DLGAP2: variants seen among roughly 807,000 people sequenced by gnomAD.
The protein encoded by DLGAP2 is DLG associated protein 2, also known as disks large-associated protein 2.
Under a neutral mutation model 100.3 loss-of-function variants are expected in DLGAP2, and 26 were observed. The observed-to-expected ratio is 0.26, with a 90% CI of 0.19 to 0.36. The LOEUF is 0.36. Ranked by LOEUF, DLGAP2 falls within the 10% of genes least tolerant of loss-of-function variation. The probability of loss-of-function intolerance (pLI) is 1.00; values close to 1 mark genes in which losing one functional copy is unlikely to be tolerated. For missense variants in DLGAP2, 1,858 were observed against 1,453.2 expected, an observed-to-expected ratio of 1.28 and a Z score of -4.53; for synonymous variants, 886 against 630.1, an observed-to-expected ratio of 1.41 and a Z score of -6.08.
chr8:1,453,943 C>T (rs879815916), intron 3 of DLGAP2, among the ~76,000 whole-genome samples: 32 of 152,204 alleles, frequency 2.1e-4, no homozygotes, highest in Admixed American at 2.0e-3. Flanking sequence ...TGGACATGTG[C>T]ACAGATACAA....
intron 2 of DLGAP2, among the ~76,000 whole-genome samples, chr8:975,278 C>T (rs1800133935): frequency 6.6e-6 from 1 of 152,216 alleles, no homozygotes; most frequent in East Asian, 1.9e-4. Flanking sequence ...AAGCACCAAG[C>T]CCGCATGGGT....
At chr8:825,559 C>G (rs921651850) in intron 1 of DLGAP2, among the ~76,000 whole-genome samples, 8 of 152,242 alleles carry the variant, frequency 5.3e-5, no homozygotes, top group African/African-American at 1.7e-4. Flanking sequence ...CTTATTATCT[C>G]TAACGACATC....
chr8:844,782 G>A (rs1797043857), intron 1 of DLGAP2, among the ~76,000 whole-genome samples: 1 of 152,070 alleles, frequency 6.6e-6, no homozygotes, highest in African/African-American at 2.4e-5. Context: ...CAATTCAATG[G>A]CTTTAGCATC....
chr8:824,484 A>C (rs1398240410), intron 1 of DLGAP2, among the ~76,000 whole-genome samples: 2 of 151,972 alleles, frequency 1.3e-5, no homozygotes, highest in Non-Finnish European at 2.9e-5. Flanking sequence ...TCCTATATAA[A>C]TATCTGCATG....
chr8:1,638,295 C>T (rs1275817475), intron 8 of DLGAP2, among the ~76,000 whole-genome samples: 1 of 152,138 alleles, frequency 6.6e-6, no homozygotes, highest in Non-Finnish European at 1.5e-5. Flanking sequence ...GGGCCCAAAT[C>T]CAATCTGTCC....
chr8:1,235,525 G>A (rs1490631479), intron 2 of DLGAP2, among the ~76,000 whole-genome samples: 1 of 141,712 alleles, frequency 7.1e-6, no homozygotes, highest in African/African-American at 2.7e-5. Flanking sequence ...CTCACACAGA[G>A]CATCATGTCT....
At chr8:777,036 G>T (rs1303804111) in intron 1 of DLGAP2, among the ~76,000 whole-genome samples, 5 of 151,986 alleles carry the variant, frequency 3.3e-5, no homozygotes, top group Non-Finnish European at 7.4e-5. Context: ...TGGTGCTCCT[G>T]TATTGGGTGC....
intron 2 of DLGAP2, among the ~76,000 whole-genome samples, chr8:1,123,857 C>T (rs149775365): frequency 6.6e-6 from 1 of 152,192 alleles, no homozygotes; most frequent in Non-Finnish European, 1.5e-5. Context: ...AGTATTCTTT[C>T]CTGTTTGCCT....
intron 1 of DLGAP2, among the ~76,000 whole-genome samples, chr8:792,789 C>T (rs1795944643): frequency 6.6e-6 from 1 of 152,228 alleles, no homozygotes; most frequent in African/African-American, 2.4e-5. Flanking sequence ...CGTTTTAATA[C>T]TGAACCATCT....
chr8:746,693 G>A (rs900551376), intron 1 of DLGAP2, among the ~76,000 whole-genome samples: 9 of 152,316 alleles, frequency 5.9e-5, no homozygotes, highest in African/African-American at 1.4e-4. Context: ...TTTTTTTGCT[G>A]TATCAGCATA....
intron 12 of DLGAP2, among the ~76,000 whole-genome samples, chr8:1,687,515 A>G (rs1259720018): frequency 6.6e-6 from 1 of 152,232 alleles, no homozygotes; most frequent in African/African-American, 2.4e-5. Flanking sequence ...AGATAGGATC[A>G]TTCTCACTCA....
At chr8:1,286,707 A>T (rs931357000) in intron 3 of DLGAP2, among the ~76,000 whole-genome samples, 6 of 152,170 alleles carry the variant, frequency 3.9e-5, no homozygotes, top group African/African-American at 1.4e-4. Flanking sequence ...CCAAGGCATT[A>T]AGCAGAGCAA....
chr8:1,574,795 G>A (rs896709608), intron 6 of DLGAP2, among the ~76,000 whole-genome samples: 4 of 152,112 alleles, frequency 2.6e-5, no homozygotes, highest in Non-Finnish European at 4.4e-5. Flanking sequence ...TGATCATTCC[G>A]GACACAAGAA....
intron 3 of DLGAP2, among the ~76,000 whole-genome samples, chr8:1,363,891 C>T (rs549941767): frequency 6.6e-6 from 1 of 152,142 alleles, no homozygotes; most frequent in African/African-American, 2.4e-5. Context: ...CCACCTGCTC[C>T]CCGTGAGGTT....
chr8:1,429,371 C>T (rs1450230202), intron 3 of DLGAP2, among the ~76,000 whole-genome samples: 2 of 152,096 alleles, frequency 1.3e-5, no homozygotes, highest in Non-Finnish European at 2.9e-5. Flanking sequence ...ATTAAACTTT[C>T]GTTAACACTG....
chr8:791,894 G>A (rs1822037237), intron 1 of DLGAP2, among the ~76,000 whole-genome samples: 1 of 152,126 alleles, frequency 6.6e-6, no homozygotes, highest in African/African-American at 2.4e-5. Flanking sequence ...ACAGTAAGTT[G>A]CACACCCCAT....
chr8:1,181,887 T>G (rs1001670147), intron 2 of DLGAP2, among the ~76,000 whole-genome samples: 1 of 152,164 alleles, frequency 6.6e-6, no homozygotes, highest in Non-Finnish European at 1.5e-5. Context: ...CCATCGTCCC[T>G]GCAATCCCAG....
At chr8:1,318,442 T>G (rs2117033501) in intron 3 of DLGAP2, among the ~76,000 whole-genome samples, 1 of 150,652 alleles carries the variant, frequency 6.6e-6, no homozygotes, top group East Asian at 2.0e-4. Context: ...CTTCGTTTCT[T>G]CGTATCTAGT....
chr8:1,196,883 G>A (rs1335063696), intron 2 of DLGAP2, among the ~76,000 whole-genome samples: 1 of 152,116 alleles, frequency 6.6e-6, no homozygotes. Flanking sequence ...ACAGGCAAGA[G>A]GGGATTTATT....
Sources: gnomAD v4.1 joint callset for allele counts (sites outside exome capture counted in the v4.1 genomes callset) on GRCh38, gnomAD v4.1.1 for gene constraint, MANE v1.5 for transcripts, NCBI Gene and HGNC (gene_info 2026-07-23, HGNC 2026-07-21) for gene names.